The following KCNJ6 variants were observed in gnomAD, a reference collection of about 807,000 sequenced individuals.
KCNJ6 encodes the protein potassium inwardly rectifying channel subfamily J member 6, also known as G protein-activated inward rectifier potassium channel 2.
A neutral mutation model predicts 34.2 loss-of-function variants in KCNJ6; 9 were observed. The ratio of observed to expected loss-of-function variants is 0.26; its 90% CI spans 0.16 to 0.46. The LOEUF (loss-of-function observed/expected upper bound fraction) is 0.46, where lower values mean the gene tolerates loss of function less well. KCNJ6 is among the 20% of genes least tolerant of loss of function. The pLI is 1.00. For synonymous variants in KCNJ6, 196 were observed against 207.1 expected (o/e 0.95, Z 0.46); for missense variants, 236 against 531.3 (o/e 0.44, Z 5.46).
chr21:37,638,769 C>A (rs2054368626), intron 3 of KCNJ6, among the ~76,000 whole-genome samples: 1 of 152,194 alleles, frequency 6.6e-6, no homozygotes, highest in Non-Finnish European at 1.5e-5. Flanking sequence ...TTTAAGAAAT[C>A]ACGAGATAGC....
chr21:37,698,699 T>C (rs1258111724), intron 3 of KCNJ6, among the ~76,000 whole-genome samples: 1 of 64,556 alleles, frequency 1.5e-5, no homozygotes, highest in Non-Finnish European at 4.2e-5. Flanking sequence ...GCCCAGGTAA[T>C]TTTTTTTTTT....
chr21:37,765,734 G>T (rs1278285360), intron 2 of KCNJ6, among the ~76,000 whole-genome samples: 2 of 152,172 alleles, frequency 1.3e-5, no homozygotes, highest in Non-Finnish European at 2.9e-5. Flanking sequence ...ATTCATTAAA[G>T]AAGTTGTTCA....
chr21:37,674,315 C>T (rs1424375249), intron 3 of KCNJ6, among the ~76,000 whole-genome samples: 1 of 152,146 alleles, frequency 6.6e-6, no homozygotes, highest in Admixed American at 6.5e-5. Flanking sequence ...CCCTCAGTCC[C>T]AAGCAAATGA....
At chr21:37,747,609 A>G (rs1208199955) in intron 2 of KCNJ6, among the ~76,000 whole-genome samples, 1 of 152,106 alleles carries the variant, frequency 6.6e-6, no homozygotes, top group Non-Finnish European at 1.5e-5. Context: ...TCATCACAAG[A>G]GTCCTTTTAA....
chr21:37,674,250 CTG>C (rs1025284982), intron 3 of KCNJ6, among the ~76,000 whole-genome samples: 11 of 152,316 alleles, frequency 7.2e-5, no homozygotes, highest in African/African-American at 2.6e-4. Flanking sequence ...CAACTAATCT[CTG>C]TTTGCCTGGG....
At chr21:37,748,885 G>A (rs2054980661) in intron 2 of KCNJ6, among the ~76,000 whole-genome samples, 1 of 152,144 alleles carries the variant, frequency 6.6e-6, no homozygotes. Flanking sequence ...GAACAAAACC[G>A]TGGGAGAGAC....
intron 2 of KCNJ6, among the ~76,000 whole-genome samples, chr21:37,816,142 G>C (rs1481982614): frequency 6.6e-6 from 1 of 152,214 alleles, no homozygotes; most frequent in East Asian, 1.9e-4. Context: ...GGTCTCAGAG[G>C]AGTACCCAGG....
chr21:37,806,539 T>C (rs2055294312), intron 2 of KCNJ6, among the ~76,000 whole-genome samples: 1 of 152,212 alleles, frequency 6.6e-6, no homozygotes, highest in Admixed American at 6.5e-5. Flanking sequence ...CTCCCCTTGA[T>C]CATGCTGAGG....
intron 1 of KCNJ6, among the ~76,000 whole-genome samples, chr21:37,841,029 AT>A (rs1193560029): frequency 2.0e-5 from 3 of 151,358 alleles, no homozygotes; most frequent in Non-Finnish European, 3.0e-5. Context: ...CCATATGCCA[AT>A]TTTTTTTTCC....
intron 1 of KCNJ6, among the ~76,000 whole-genome samples, chr21:37,865,359 C>T (rs906361991): frequency 2.6e-5 from 4 of 152,116 alleles, no homozygotes; most frequent in African/African-American, 7.2e-5. Context: ...TTCAGATAAC[C>T]GTATATACTG....
At chr21:37,669,006 G>C (rs1295370597) in intron 3 of KCNJ6, among the ~76,000 whole-genome samples, 2 of 152,114 alleles carry the variant, frequency 1.3e-5, no homozygotes, top group Non-Finnish European at 2.9e-5. Context: ...ACCTTTAAAA[G>C]ATCTAAATAG....
intron 1 of KCNJ6, among the ~76,000 whole-genome samples, chr21:37,872,801 T>C (rs1181275187): frequency 1.3e-5 from 2 of 152,152 alleles, no homozygotes; most frequent in Non-Finnish European, 2.9e-5. Context: ...AGGGAACTGG[T>C]CGGAGGTAAT....
At chr21:37,890,791 G>A (rs2055758487) in intron 1 of KCNJ6, among the ~76,000 whole-genome samples, 4 of 152,124 alleles carry the variant, frequency 2.6e-5, no homozygotes, top group South Asian at 2.1e-4. Flanking sequence ...CAATTCAGGA[G>A]AACACTGCCT....
chr21:37,661,704 G>C (rs1367677017), intron 3 of KCNJ6, among the ~76,000 whole-genome samples: 1 of 135,426 alleles, frequency 7.4e-6, no homozygotes, highest in East Asian at 2.3e-4. Context: ...CTCACTGCAA[G>C]CTCCGCCTCC....
chr21:37,711,253 GCCT>G, intron 3 of KCNJ6, among the ~76,000 whole-genome samples: 1 of 152,348 alleles, frequency 6.6e-6, no homozygotes, highest in East Asian at 1.9e-4. Flanking sequence ...GACCCAGGTG[GCCT>G]CCTGTGGGAC....
chr21:37,913,143 G>T (rs1023948544), intron 1 of KCNJ6, among the ~76,000 whole-genome samples: 1 of 152,180 alleles, frequency 6.6e-6, no homozygotes, highest in Non-Finnish European at 1.5e-5. Flanking sequence ...GACAGTTGTG[G>T]TGGTGGGGGA....
intron 1 of KCNJ6, 79 bp from the exon 2 acceptor site, chr21:37,840,788 A>C: frequency 1.3e-6 from 1 of 749,836 alleles, no homozygotes. Context: ...TTACAGCTAT[A>C]TCTCTCTTCC....
chr21:37,869,701 T>C (rs2055640768), intron 1 of KCNJ6, among the ~76,000 whole-genome samples: 1 of 152,224 alleles, frequency 6.6e-6, no homozygotes, highest in Non-Finnish European at 1.5e-5. Context: ...TCTTTATCCT[T>C]GAATGATTTA....
Position 37,714,059 on chromosome 21 carries a change from A to AGACATGTAGG in KCNJ6, c.946+142_946+151dup, listed in dbSNP as rs1363782913. ...CTTCTTGGTGGATATACTTCAGGTG[A>AGACATGTAGG]GACATGTAGGCATACTATGTCATGA... On this transcript the variant is annotated intron_variant, in intron 3 of 3. Coordinates refer to ENST00000609713, the MANE Select transcript of KCNJ6 (RefSeq NM_002240.5). The surrounding 1 kb of genome is among the most constrained non-coding windows in gnomAD (Gnocchi z 5.9). 6.2e-6 allele frequency: 4 copies of AGACATGTAGG among 641,650 alleles called. No homozygotes were observed. The East Asian group carries it at 1.0e-4, about 16-fold the overall frequency. The allele number at this position is 641,650 out of a possible 1,614,324, so 39.7% of individuals were successfully genotyped here.
Sources: gnomAD v4.1 joint callset for allele counts (sites outside exome capture counted in the v4.1 genomes callset) on GRCh38, gnomAD v4.1.1 for gene constraint, Gnocchi (gnomAD v3.1) non-coding constraint, MANE v1.5 for transcripts, NCBI Gene and HGNC (gene_info 2026-07-23, HGNC 2026-07-21) for gene names.